NVL: variants seen among roughly 807,000 people sequenced by gnomAD.
The protein encoded by NVL is nuclear valosin-containing protein-like.
In NVL, 84 loss-of-function variants were observed where a neutral mutation model predicts 110.2. The ratio of observed to expected loss-of-function variants is 0.76; its 90% confidence interval spans 0.64 to 0.91. The LOEUF (loss-of-function observed/expected upper bound fraction) is 0.91. NVL is among the 40% of genes least tolerant of loss of function. The pLI is 0.00. For missense variants in NVL, 882 were observed against 1,035.9 expected, an observed-to-expected ratio of 0.85 and a Z score of 2.04; for synonymous variants, 354 against 361.1, an observed-to-expected ratio of 0.98 and a Z score of 0.22.
chr1:224,255,182 GTT>G (rs34120278), intron 18 of NVL, among the ~76,000 whole-genome samples: 74 of 96,718 alleles, frequency 7.7e-4, no homozygotes, highest in African/African-American at 2.9e-3. Context: ...AATGGTGTAG[GTT>G]TTTTTTTTTT....
At position 224,236,273 on chromosome 1, in the gene NVL, A is replaced by C. The variant is rs149836523; in HGVS notation, c.2366+233T>G. 4.8e-3 allele frequency among the ~76,000 whole-genome samples: 738 copies of C among 152,284 alleles called. 4 individuals are homozygous for C. The highest frequency in any genetic ancestry group is 0.016 in the African/African-American group (662 of 41,576). Reference sequence around the variant, plus strand: ...CAGCAGTGCTGGTTAGGGTAGGTTAAGTACCAAGAGTCAACATATGAAAGG... The same window carrying C: ...CAGCAGTGCTGGTTAGGGTAGGTTACGTACCAAGAGTCAACATATGAAAGG... On this transcript the variant is annotated intron_variant, in intron 20 of 22. Coordinates refer to ENST00000281701, the MANE Select transcript of NVL (RefSeq NM_002533.4).
intron 17 of NVL, among the ~76,000 whole-genome samples, chr1:224,273,192 C>G (rs192070487): frequency 0.011 from 1,649 of 152,166 alleles, 16 homozygotes; most frequent in Non-Finnish European, 0.014. Context: ...GATGGTGGAT[C>G]ACTTGAGACC....
At chr1:224,236,069 G>A (rs897282523) in intron 20 of NVL, among the ~76,000 whole-genome samples, 1 of 152,140 alleles carries the variant, frequency 6.6e-6, no homozygotes. Flanking sequence ...CAAAACATAT[G>A]AAGAAAAACT....
intron 19 of NVL, among the ~76,000 whole-genome samples, chr1:224,243,692 C>T (rs1399762788): frequency 1.4e-5 from 2 of 139,082 alleles, no homozygotes; most frequent in Non-Finnish European, 3.0e-5. Context: ...GATGAGGTCT[C>T]GATCTGTCAC....
chr1:224,300,492 A>C, intron 10 of NVL, 70 bp downstream of exon 10: 1 of 1,103,042 alleles, frequency 9.1e-7, no homozygotes, highest in South Asian at 1.5e-5. Context: ...TACTAGCATC[A>C]GAAAAAGCAG....
At chr1:224,275,596 A>T in intron 16 of NVL, 138 bp from the exon 17 acceptor site, 3 of 1,064,058 alleles carry the variant, frequency 2.8e-6, no homozygotes, top group Non-Finnish European at 4.1e-6. Flanking sequence ...AACCATATAC[A>T]ATTGCTGATA....
At chr1:224,329,205 G>A (rs1006366569) in intron 1 of NVL, among the ~76,000 whole-genome samples, 4 of 152,118 alleles carry the variant, frequency 2.6e-5, no homozygotes, top group Non-Finnish European at 5.9e-5. Flanking sequence ...CTGGGCAACA[G>A]AGCGAGACTA....
At chr1:224,303,949 G>T in intron 8 of NVL, 92 bp from the exon 9 acceptor site, 1 of 1,377,906 alleles carries the variant, frequency 7.3e-7, no homozygotes, top group Non-Finnish European at 9.7e-7. Context: ...AAATGGAGTA[G>T]ATAGGTAGAA....
At chr1:224,268,237 AATG>A (rs759116136) in intron 17 of NVL, 104 bp from the exon 18 acceptor site, 42 of 826,638 alleles carry the variant, frequency 5.1e-5, no homozygotes, top group Non-Finnish European at 6.0e-5. Flanking sequence ...AGGAGATAAC[AATG>A]ATAATTTTCT....
chr1:224,274,937 T>C (rs1665604112), intron 17 of NVL, among the ~76,000 whole-genome samples: 1 of 152,172 alleles, frequency 6.6e-6, no homozygotes, highest in African/African-American at 2.4e-5. Flanking sequence ...AGGTTTTGGG[T>C]CTTAAAAGTT....
At chr1:224,248,984 T>C (rs958692747) in intron 19 of NVL, among the ~76,000 whole-genome samples, 4 of 152,152 alleles carry the variant, frequency 2.6e-5, no homozygotes, top group Admixed American at 6.5e-5. Context: ...CAGGTACAAG[T>C]GATTTCATCC....
intron 1 of NVL, among the ~76,000 whole-genome samples, chr1:224,328,074 C>A (rs4654022): frequency 0.91 from 138,966 of 151,950 alleles, 63,826 homozygotes; most frequent in Middle Eastern, 0.98. Context: ...ATTTCCCCCC[C>A]CTTTTTTTTA....
chr1:224,267,698 A>AG (rs1664632299), intron 18 of NVL, among the ~76,000 whole-genome samples: 1 of 150,970 alleles, frequency 6.6e-6, no homozygotes, highest in African/African-American at 2.5e-5. Flanking sequence ...AAAAAAAAAA[A>AG]AAAAAAAAGT....
chr1:224,254,563 G>GTTTTT (rs71572893), intron 18 of NVL, among the ~76,000 whole-genome samples: 1 of 36,700 alleles, frequency 2.7e-5, no homozygotes, highest in African/African-American at 5.3e-5. Flanking sequence ...CGGCTAATTT[G>GTTTTT]TTTTTTTTGT....
intron 2 of NVL, among the ~76,000 whole-genome samples, chr1:224,324,760 A>C (rs940295878): frequency 6.6e-6 from 1 of 152,176 alleles, no homozygotes; most frequent in Non-Finnish European, 1.5e-5. Context: ...GTTTGGACTT[A>C]AGAGTTGATG....
chr1:224,300,731 C>T, intron 9 of NVL, 68 bp from the exon 10 acceptor site: 2 of 1,223,554 alleles, frequency 1.6e-6, no homozygotes, highest in Admixed American at 2.2e-5. Context: ...CTTATCCAGT[C>T]CCCTCAAATT....
chr1:224,236,343 G>T (rs1660468016), intron 20 of NVL, among the ~76,000 whole-genome samples, 163 bp downstream of exon 20: 1 of 152,206 alleles, frequency 6.6e-6, no homozygotes, highest in South Asian at 2.1e-4. Context: ...CAAATGTGCA[G>T]TCTCTTCTCT....
chr1:224,261,677 C>A (rs979845274), intron 18 of NVL, among the ~76,000 whole-genome samples: 2 of 152,160 alleles, frequency 1.3e-5, no homozygotes, highest in African/African-American at 4.8e-5. Context: ...TAGGGCTATG[C>A]ACGGTGGTTC....
chr1:224,286,661 T>C (rs1003990957), intron 14 of NVL, among the ~76,000 whole-genome samples: 1 of 152,228 alleles, frequency 6.6e-6, no homozygotes, highest in African/African-American at 2.4e-5. Flanking sequence ...CATAATGATA[T>C]AATATTTCAA....
Sources: allele counts gnomAD v4.1 joint callset (sites outside exome capture counted in the v4.1 genomes callset), GRCh38; gene constraint gnomAD v4.1.1; transcripts MANE v1.5; gene names NCBI Gene and HGNC (gene_info 2026-07-23, HGNC 2026-07-21).